Variants in PITPNM3 observed in about 807,000 individuals in gnomAD.
PITPNM3 encodes the protein PITPNM family member 3.
A neutral mutation model predicts 102.0 loss-of-function variants in PITPNM3; 26 were observed. The observed-to-expected ratio is 0.25, with a 90% CI of 0.19 to 0.35. The LOEUF is 0.35. Among genes scored for constraint, PITPNM3 ranks in the 10% least tolerant of loss-of-function variants. The pLI, the probability that PITPNM3 is intolerant of heterozygous loss-of-function variation, is 1.00. For synonymous variants in PITPNM3, 578 were observed against 558.6 expected (o/e 1.03, Z -0.49); for missense variants, 1,083 against 1,346.1 (o/e 0.80, Z 3.06).
chr17:6,457,036 A>T lies in PITPNM3; in HGVS notation c.2619+558T>A, dbSNP rs183342802. On this transcript the variant is annotated intron_variant, in intron 19 of 19. Coordinates refer to ENST00000262483, the MANE Select transcript of PITPNM3 (RefSeq NM_031220.4). This position sits in a 1 kb window ranked among gnomAD's most constrained non-coding sequence, Gnocchi z 4.7. ...TCCCACACCCTCTCAGAGTCCCCAC[A>T]CAGGCCATCTTGGCCGCACTGACCG... Among the ~76,000 whole-genome samples the T allele has an allele frequency of 3.3e-5, 5 of 151,986 alleles. No homozygotes were observed. Among genetic ancestry groups the T allele is most frequent in the African/African-American group, 1.2e-4 (5 of 41,452 alleles).
chr17:6,477,888 A>T (rs957135127), intron 8 of PITPNM3, 87 bp downstream of exon 8: 1 of 1,589,260 alleles, frequency 6.3e-7, no homozygotes, highest in Non-Finnish European at 8.5e-7. Context: ...TCATGGTGCC[A>T]ACGTGAAGAA....
At chr17:6,505,200 A>ATG (rs1907423612) in intron 3 of PITPNM3, among the ~76,000 whole-genome samples, 4 of 147,358 alleles carry the variant, frequency 2.7e-5, no homozygotes, top group African/African-American at 7.8e-5. Context: ...AATAAAATAT[A>ATG]TATATATATA....
intron 3 of PITPNM3, 55 bp downstream of exon 3, chr17:6,525,301 C>T: frequency 1.3e-6 from 2 of 1,503,334 alleles, no homozygotes; most frequent in African/African-American, 2.8e-5. Context: ...CCCTACAGCC[C>T]CCCCTGCAAC....
chr17:6,484,098 G>A (rs1905922998), intron 5 of PITPNM3, 118 bp downstream of exon 5: 1 of 1,172,322 alleles, frequency 8.5e-7, no homozygotes, highest in Non-Finnish European at 1.3e-6. Context: ...CCCACCCAGG[G>A]TCACACAGCA....
rs574177338 is a variant in PITPNM3, at chr17:6,460,932, CT to C, written c.2490+440del. On this transcript the variant is annotated intron_variant, in intron 18 of 19. Transcript: ENST00000262483. ...CGAGTTTCCGAGTTTCCTGGTGCTG[CT>C]AGTGGGAACCATAGCTTCGGTCATG... 610 of 274,736 alleles carry C rather than the reference CT, an allele frequency of 2.2e-3. 5 individuals are homozygous for C. The highest frequency in any genetic ancestry group is 0.013 in the African/African-American group (569 of 45,030). 17.0% of individuals were successfully genotyped at this position (274,736 alleles called of 1,614,324 possible).
chr17:6,491,836 T>TATATATATATATATATATATATATAA lies in PITPNM3; in HGVS notation c.275-7545_275-7544insTTATATATATATATATATATATATAT, dbSNP rs148932496. On this transcript the variant is annotated intron_variant, in intron 4 of 19. Coordinates refer to ENST00000262483, the MANE Select transcript of PITPNM3 (RefSeq NM_031220.4). ...AATGGAATATATATATATATATATA[T>TATATATATATATATATATATATATAA]AATAAAGAATTAATTAAGAATTAAG... Among the ~76,000 whole-genome samples, 479 of 139,148 alleles carry TATATATATATATATATATATATATAA rather than the reference T, an allele frequency of 3.4e-3. 11 individuals are homozygous for TATATATATATATATATATATATATAA. Among genetic ancestry groups the TATATATATATATATATATATATATAA allele is most frequent in the Middle Eastern group, 0.011 (3 of 264 alleles). The allele number at this position is 139,148 out of a possible 152,430, so 91.3% of individuals were successfully genotyped here.
intron 1 of PITPNM3, among the ~76,000 whole-genome samples, chr17:6,541,286 AGTGTGTGTGTGT>A (rs113549938): frequency 6.9e-6 from 1 of 145,594 alleles, no homozygotes. Flanking sequence ...ATATGCTAAG[AGTGTGTGTGTGT>A]GTGTGTGTGT....
chr17:6,466,059 C>T (rs993046222), intron 14 of PITPNM3, among the ~76,000 whole-genome samples: 1 of 152,208 alleles, frequency 6.6e-6, no homozygotes, highest in South Asian at 2.1e-4. Flanking sequence ...CTTGCCTGAA[C>T]GACCTCTTCA....
chr17:6,547,208 G>A (rs1309489171), intron 1 of PITPNM3, among the ~76,000 whole-genome samples: 1 of 150,122 alleles, frequency 6.7e-6, no homozygotes, highest in Non-Finnish European at 1.5e-5. Flanking sequence ...CTAGGGGTAA[G>A]GGGAGTCTCC....
At chr17:6,512,215 A>C (rs958973803) in intron 3 of PITPNM3, among the ~76,000 whole-genome samples, 1 of 152,222 alleles carries the variant, frequency 6.6e-6, no homozygotes, top group Non-Finnish European at 1.5e-5. Flanking sequence ...AACTGGCTCA[A>C]CTCACACCAG....
At chr17:6,491,783 T>G (rs1333476413) in intron 4 of PITPNM3, among the ~76,000 whole-genome samples, 1 of 147,554 alleles carries the variant, frequency 6.8e-6, no homozygotes, top group Non-Finnish European at 1.5e-5. Context: ...CTAAAATGTT[T>G]ACAGTGGTTT....
rs1436121165 is a variant in PITPNM3, at chr17:6,478,721, G to T, written c.603C>A (p.Ser201Arg). 1 of 1,582,480 alleles carries T rather than the reference G, an allele frequency of 6.3e-7. No individual in the cohort carries two copies. The highest frequency in any genetic ancestry group is 8.6e-7 in the Non-Finnish European group (1 of 1,164,564). Reference protein sequence around the residue: ...FSLVSHLNPYSHDEGCLSSSQ... With the variant: ...FSLVSHLNPYRHDEGCLSSSQ... ...TGCTGCTGAGGCAGCCCTCATCGTG[G>T]CTGTAGGGGTTCAGGCTGCAGACAG... The change falls in exon 7 of 20, where the codon AGC becomes AGA. Residue 201 changes from serine (S) to arginine (R), a missense_variant. Ser to Arg is a moderately radical substitution (Grantham distance 110). Coordinates refer to ENST00000262483, the MANE Select transcript of PITPNM3 (RefSeq NM_031220.4). This position sits in a 1 kb window ranked among gnomAD's most constrained non-coding sequence, Gnocchi z 4.4.
At position 6,544,934 on chromosome 17, in the gene PITPNM3, C is replaced by T. The variant is rs140903935; in HGVS notation, c.23-6852G>A. ...GTGCTCTCAGCTCTGCCTTGGGGTCCCTGGGGTCCAAACGCAGAATGTGGA... is the reference window on the plus strand; with the variant it reads ...GTGCTCTCAGCTCTGCCTTGGGGTCTCTGGGGTCCAAACGCAGAATGTGGA... On this transcript the variant is annotated intron_variant, in intron 1 of 19. Coordinates refer to ENST00000262483, the MANE Select transcript of PITPNM3 (RefSeq NM_031220.4). Among the ~76,000 whole-genome samples the T allele has an allele frequency of 9.7e-3, 1,482 of 152,236 alleles. 34 individuals are homozygous for T. The highest frequency in any genetic ancestry group is 0.034 in the African/African-American group (1,395 of 41,528).
At chr17:6,504,482 C>A (rs1907370078) in intron 3 of PITPNM3, among the ~76,000 whole-genome samples, 1 of 152,216 alleles carries the variant, frequency 6.6e-6, no homozygotes, top group Non-Finnish European at 1.5e-5. Flanking sequence ...TCATGGCCCA[C>A]GTCCCCTGAA....
intron 3 of PITPNM3, among the ~76,000 whole-genome samples, chr17:6,512,681 C>A (rs765083769): frequency 6.6e-6 from 1 of 152,078 alleles, no homozygotes. Flanking sequence ...AGGTCATAAA[C>A]CAGAGTCAGG....
chr17:6,539,156 C>T (rs1441718196), intron 1 of PITPNM3, among the ~76,000 whole-genome samples: 2 of 152,176 alleles, frequency 1.3e-5, no homozygotes, highest in Non-Finnish European at 2.9e-5. Context: ...ACAGTGAACA[C>T]CAACTCGGTA....
At chr17:6,511,523 T>C (rs758261179) in intron 3 of PITPNM3, among the ~76,000 whole-genome samples, 5 of 152,142 alleles carry the variant, frequency 3.3e-5, no homozygotes, top group Non-Finnish European at 7.4e-5. Context: ...CAGGGCCCAG[T>C]GTAAAATGAA....
chr17:6,554,961 G>A lies in PITPNM3; in HGVS notation c.22+1424C>T, dbSNP rs373273793. On this transcript the variant is annotated intron_variant, in intron 1 of 19. Coordinates refer to ENST00000262483, the MANE Select transcript of PITPNM3 (RefSeq NM_031220.4). ...CTGGCAGGTGACCTGTGCTCAAGGC[G>A]TCCCAGTGCACACACACACTCACAC... 9.8e-5 allele frequency among the ~76,000 whole-genome samples: 15 copies of A among 152,302 alleles called. No individual in the cohort carries two copies. The South Asian group carries it at 1.2e-3, about 13-fold the overall frequency.
At chr17:6,493,853 G>A (rs935960568) in intron 4 of PITPNM3, among the ~76,000 whole-genome samples, 9 of 152,336 alleles carry the variant, frequency 5.9e-5, no homozygotes, top group Admixed American at 1.3e-4. Flanking sequence ...AAGTGAACAC[G>A]GGGTTAGTTC....
Sources: gnomAD v4.1 joint callset for allele counts (sites outside exome capture counted in the v4.1 genomes callset) on GRCh38, gnomAD v4.1.1 for gene constraint, Gnocchi (gnomAD v3.1) non-coding constraint, MANE v1.5 for transcripts, NCBI Gene and HGNC (gene_info 2026-07-23, HGNC 2026-07-21) for gene names.